CHL1: variants seen among roughly 807,000 people sequenced by gnomAD.
CHL1 encodes neural cell adhesion molecule L1-like protein.
Under a neutral mutation model 141.9 loss-of-function variants are expected in CHL1, and 96 were observed. The ratio of observed to expected loss-of-function variants is 0.68; its 90% confidence interval spans 0.57 to 0.80. The LOEUF (loss-of-function observed/expected upper bound fraction) is 0.80. Among genes scored for constraint, CHL1 ranks in the 30% least tolerant of loss-of-function variants. The pLI, the probability that CHL1 is intolerant of heterozygous loss-of-function variation, is 0.00. For synonymous variants in CHL1, 613 were observed against 502.2 expected (o/e 1.22, Z -2.95); for missense variants, 1,820 against 1,457.2 (o/e 1.25, Z -4.05).
intron 19 of CHL1, among the ~76,000 whole-genome samples, 174 bp downstream of exon 19, chr3:384,060 A>T (rs1231659593): frequency 6.6e-6 from 1 of 152,222 alleles, no homozygotes; most frequent in Non-Finnish European, 1.5e-5. Flanking sequence ...GATTAAAATG[A>T]TGTTATGAAA....
intron 24 of CHL1, among the ~76,000 whole-genome samples, chr3:397,824 A>T (rs1422203278): frequency 6.6e-6 from 1 of 152,088 alleles, no homozygotes; most frequent in Admixed American, 6.5e-5. Context: ...AAGCAAAAAA[A>T]AGCAATATAT....
chr3:247,189 T>G (rs1693250279), intron 2 of CHL1: 1 of 152,036 alleles, frequency 6.6e-6, no homozygotes, highest in African/African-American at 2.4e-5. Flanking sequence ...CACACAAATC[T>G]ACTGCTAGAG....
At chr3:383,089 C>A (rs1475049339) in intron 18 of CHL1, among the ~76,000 whole-genome samples, 1 of 152,120 alleles carries the variant, frequency 6.6e-6, no homozygotes, top group Non-Finnish European at 1.5e-5. Context: ...AGGATGACTG[C>A]TAAAATTTGT....
At chr3:226,239 G>A (rs139978533) in intron 1 of CHL1, among the ~76,000 whole-genome samples, 2 of 149,758 alleles carry the variant, frequency 1.3e-5, no homozygotes, top group East Asian at 4.0e-4. Flanking sequence ...CCACGCTAAT[G>A]TTGAGCTCCT....
At chr3:225,780 T>A (rs62228289) in intron 1 of CHL1, among the ~76,000 whole-genome samples, 2 of 151,922 alleles carry the variant, frequency 1.3e-5, no homozygotes, top group African/African-American at 4.8e-5. Flanking sequence ...GAGGCTGAGG[T>A]GGGCAGATCA....
At chr3:203,289 T>A (rs1171280095) in intron 1 of CHL1, among the ~76,000 whole-genome samples, 3 of 152,246 alleles carry the variant, frequency 2.0e-5, no homozygotes, top group African/African-American at 7.2e-5. Context: ...ATTTAAATAC[T>A]GGAGATTTCA....
intron 5 of CHL1, among the ~76,000 whole-genome samples, chr3:332,018 T>C (rs1272065879): frequency 6.6e-6 from 1 of 152,262 alleles, no homozygotes; most frequent in Non-Finnish European, 1.5e-5. Flanking sequence ...AAACATTTTC[T>C]AATCCCCTCC....
intron 2 of CHL1, among the ~76,000 whole-genome samples, chr3:296,952 C>T (rs771777262): frequency 3.3e-5 from 5 of 151,918 alleles, no homozygotes; most frequent in African/African-American, 4.8e-5. Flanking sequence ...GCAAAACAAG[C>T]AACAGAAAGA....
chr3:224,681 TG>T (rs1458108043), intron 1 of CHL1, among the ~76,000 whole-genome samples: 1 of 152,206 alleles, frequency 6.6e-6, no homozygotes, highest in Non-Finnish European at 1.5e-5. Flanking sequence ...CATGAGCCAG[TG>T]AAAACTCTTT....
At position 284,678 on chromosome 3, in the gene CHL1, T is replaced by G. The variant is rs73007540; in HGVS notation, c.-94-35005T>G. Among the ~76,000 whole-genome samples, 1,362 of 152,336 alleles carry G rather than the reference T, an allele frequency of 8.9e-3. 35 individuals carry two copies. Among genetic ancestry groups the G allele is most frequent in the Non-Finnish European group, 8.8e-3 (598 of 68,026 alleles). On this transcript the variant is annotated intron_variant, in intron 2 of 27. Coordinates refer to ENST00000256509, the MANE Select transcript of CHL1 (RefSeq NM_006614.4). ...GTTCTATCTTCATGACATTATATGTTGCTGGGGAGATGGTGGTGACCAGGG... is the reference window on the plus strand; with the variant it reads ...GTTCTATCTTCATGACATTATATGTGGCTGGGGAGATGGTGGTGACCAGGG...
At chr3:302,784 T>G (rs528529985) in intron 2 of CHL1, among the ~76,000 whole-genome samples, 1 of 152,188 alleles carries the variant, frequency 6.6e-6, no homozygotes, top group Admixed American at 6.5e-5. Context: ...TTTGTTGCCA[T>G]TGCTTTTAGT....
chr3:262,760 A>C (rs1189628752), intron 2 of CHL1, among the ~76,000 whole-genome samples: 1 of 152,200 alleles, frequency 6.6e-6, no homozygotes. Context: ...AGACTTTCTA[A>C]GTTTTGGAAG....
At chr3:289,405 G>T (rs1697458746) in intron 2 of CHL1, among the ~76,000 whole-genome samples, 1 of 150,738 alleles carries the variant, frequency 6.6e-6, no homozygotes, top group Non-Finnish European at 1.5e-5. Flanking sequence ...TGTTGTAAAA[G>T]TAATTGTGGT....
chr3:363,514 C>T (rs1704498804), intron 14 of CHL1, 131 bp downstream of exon 14: 2 of 807,294 alleles, frequency 2.5e-6, no homozygotes, highest in Non-Finnish European at 3.8e-6. Flanking sequence ...TTCAAAATTC[C>T]TAGAATGGGT....
At chr3:398,178 G>T (rs1559359320) in intron 24 of CHL1, 49 bp from the exon 25 acceptor site, 2 of 1,311,986 alleles carry the variant, frequency 1.5e-6, no homozygotes, top group Admixed American at 2.3e-5. Context: ...TTTATGTCCT[G>T]TTTTTCCATG....
In CHL1 at chr3:328,221, T is replaced by A; in HGVS notation, c.252T>A (p.Ile84=). ...TTTATTTCACTGACCATCGGATAAT[T>A]CCATCGAACAATTCAGGAACATTCA... The part of the protein sequence containing the change: ...NPFYFTDHRI[I]PSNNSGTFRI... The change falls in exon 5 of 28, where the codon ATT becomes ATA. Residue 84 remains isoleucine (I), a synonymous_variant. Coordinates refer to ENST00000256509, the MANE Select transcript of CHL1 (RefSeq NM_006614.4). 2 of 1,611,638 alleles carry A rather than the reference T, an allele frequency of 1.2e-6. No homozygotes were observed. Among genetic ancestry groups the A allele is most frequent in the Non-Finnish European group, 1.7e-6 (2 of 1,178,502 alleles).
At chr3:313,912 A>G (rs1699950155) in intron 2 of CHL1, among the ~76,000 whole-genome samples, 1 of 152,182 alleles carries the variant, frequency 6.6e-6, no homozygotes, top group African/African-American at 2.4e-5. Flanking sequence ...TAGGTGGGCT[A>G]TAACTTTCAA....
At chr3:198,765 TG>T (rs2125313559) in intron 1 of CHL1, among the ~76,000 whole-genome samples, 1 of 152,358 alleles carries the variant, frequency 6.6e-6, no homozygotes, top group South Asian at 2.1e-4. Context: ...GCATTTTCAT[TG>T]AAGTAAAAAT....
At chr3:399,305 T>C (rs1379680212) in intron 26 of CHL1, among the ~76,000 whole-genome samples, 157 bp downstream of exon 26, 1 of 152,208 alleles carries the variant, frequency 6.6e-6, no homozygotes, top group Non-Finnish European at 1.5e-5. Context: ...TATTGCTAAA[T>C]TAACCAAAGA....
Sources: gnomAD v4.1 joint callset for allele counts (sites outside exome capture counted in the v4.1 genomes callset) on GRCh38, gnomAD v4.1.1 for gene constraint, MANE v1.5 for transcripts, NCBI Gene and HGNC (gene_info 2026-07-23, HGNC 2026-07-21) for gene names.